PTPN3: variants seen among roughly 807,000 people sequenced by gnomAD.
PTPN3 encodes the protein tyrosine-protein phosphatase non-receptor type 3.
PTPN3 carries 96 observed loss-of-function variants against 132.7 expected under a neutral mutation model. That is an observed-to-expected ratio of 0.72 (90% CI 0.61 to 0.86). PTPN3 has a LOEUF of 0.86. Among genes scored for constraint, PTPN3 ranks in the 40% least tolerant of loss-of-function variants. The probability of loss-of-function intolerance (pLI) is 0.00; values close to 1 mark genes in which losing one functional copy is unlikely to be tolerated. For synonymous variants in PTPN3, 398 were observed against 429.0 expected (o/e 0.93, Z 0.89); for missense variants, 1,125 against 1,159.6 (o/e 0.97, Z 0.43).
chr9:109,397,746 C>A (rs1349104780), intron 19 of PTPN3: 3 of 152,168 alleles, frequency 2.0e-5, no homozygotes, highest in Admixed American at 6.5e-5. Flanking sequence ...GCAAACCTAA[C>A]AAGTATTCTT....
chr9:109,438,314 T>C, intron 7 of PTPN3, 80 bp from the exon 8 acceptor site: 1 of 1,427,938 alleles, frequency 7.0e-7, no homozygotes, highest in Non-Finnish European at 9.6e-7. Flanking sequence ...ATCTACAGCA[T>C]CATCAGAATA....
chr9:109,450,870 CAAACAAACAA>C, intron 5 of PTPN3: 1 of 985,302 alleles, frequency 1.0e-6, no homozygotes, highest in African/African-American at 1.7e-5. Flanking sequence ...AGATCCTTAA[CAAACAAACAA>C]AAACTAACAG....
chr9:109,398,691 G>C (rs1840797220), intron 19 of PTPN3, among the ~76,000 whole-genome samples: 1 of 152,202 alleles, frequency 6.6e-6, no homozygotes. Context: ...TAGGGAAGCT[G>C]TGAGTCACCT....
intron 1 of PTPN3, among the ~76,000 whole-genome samples, chr9:109,477,551 T>C (rs1239076761): frequency 1.3e-5 from 2 of 152,300 alleles, no homozygotes; most frequent in East Asian, 3.9e-4. Context: ...ATTGAGGAAA[T>C]GTAGTAAATG....
chr9:109,384,334 G>A (rs1234612476), intron 22 of PTPN3, among the ~76,000 whole-genome samples: 1 of 152,208 alleles, frequency 6.6e-6, no homozygotes, highest in Non-Finnish European at 1.5e-5. Flanking sequence ...TGAAGCCCTT[G>A]AAGGCTTTCT....
chr9:109,457,137 C>T, intron 4 of PTPN3, 36 bp downstream of exon 4: 1 of 1,601,900 alleles, frequency 6.2e-7, no homozygotes, highest in South Asian at 1.1e-5. Flanking sequence ...TACACTAACA[C>T]CTAATGTTCG....
In PTPN3 at chr9:109,457,181, T is replaced by A; in HGVS notation, c.281A>T (p.Gln94Leu). The A allele has an allele frequency of 6.2e-7, 1 of 1,613,984 alleles. No individual in the cohort carries two copies. The highest frequency in any genetic ancestry group is 8.5e-7 in the Non-Finnish European group (1 of 1,179,828). Residue 94 changes from glutamine (Q) to leucine (L), a missense_variant, in exon 4 of 26, where the codon CAG becomes CTG. Gln to Leu is a moderately radical substitution (Grantham distance 113). Transcript: ENST00000374541. ...WLEASKAIRK[Q>L]LKGGFPCTLH... The stretch of plus-strand genomic sequence containing the variant: ...GAAAAGATCACACCAACCTTTTAAC[T>A]GCTTCCTGATGGCTTTGCTTGCTTC...
chr9:109,470,263 T>C (rs1323266343), intron 1 of PTPN3, among the ~76,000 whole-genome samples: 2 of 152,206 alleles, frequency 1.3e-5, no homozygotes, highest in Non-Finnish European at 2.9e-5. Flanking sequence ...CTCTCGTCAC[T>C]GTAGACACAC....
chr9:109,451,519 C>T (rs183556778), intron 5 of PTPN3: 33 of 567,840 alleles, frequency 5.8e-5, no homozygotes, highest in African/African-American at 5.7e-4. Context: ...CACAATTCTA[C>T]GACCCTGCAC....
chr9:109,397,225 G>A (rs1029380168), intron 19 of PTPN3, among the ~76,000 whole-genome samples: 1 of 152,118 alleles, frequency 6.6e-6, no homozygotes, highest in South Asian at 2.1e-4. Context: ...CAGCCACTAC[G>A]GCATTATCTT....
chr9:109,445,723 G>C (rs1405836655), intron 6 of PTPN3, among the ~76,000 whole-genome samples: 10 of 152,152 alleles, frequency 6.6e-5, no homozygotes, highest in Non-Finnish European at 8.8e-5. Flanking sequence ...ATGACCCTTT[G>C]GTTCTAGATT....
In PTPN3 at chr9:109,420,590, G is replaced by A. The variant is rs558168795; in HGVS notation, c.1147C>T (p.Arg383Trp). The change falls in exon 14 of 26, where the codon CGG (arginine) becomes TGG (tryptophan). Residue 383 changes from arginine to tryptophan, a missense_variant. Coordinates refer to ENST00000374541, the MANE Select transcript of PTPN3 (RefSeq NM_002829.4). ...PPITPNWRSP[R>W]LRHEIRKPRH... ...GGCTTTCGGATTTCGTGCCGGAGCC[G>A]AGGACTTCGCCTGGGTGGGAAAAAC... The A allele has an allele frequency of 1.0e-5, 16 of 1,607,922 alleles. No individual in the cohort carries two copies. Among genetic ancestry groups the A allele is most frequent in the Middle Eastern group, 2.1e-4 (1 of 4,696 alleles).
chr9:109,448,902 CAAAAA>C (rs35966698), intron 5 of PTPN3, 47 bp from the exon 6 acceptor site: 71 of 1,289,970 alleles, frequency 5.5e-5, no homozygotes, highest in Middle Eastern at 2.9e-4. Flanking sequence ...CTGAAATAAG[CAAAAA>C]AAAAAAAAAA....
the PTPN3 span, among the ~76,000 whole-genome samples, chr9:109,512,682 T>A: frequency 6.6e-5 from 10 of 152,174 alleles, no homozygotes; most frequent in African/African-American, 1.9e-4. Context: ...GAGATTAAAA[T>A]TGTTTATCTA....
intron 14 of PTPN3, among the ~76,000 whole-genome samples, chr9:109,419,689 G>A (rs1294346687): frequency 6.6e-6 from 1 of 152,164 alleles, no homozygotes; most frequent in Non-Finnish European, 1.5e-5. Flanking sequence ...TCTGGGCTGA[G>A]GGAAGTGAAT....
intron 19 of PTPN3, among the ~76,000 whole-genome samples, chr9:109,395,820 C>A (rs145466733): frequency 0.015 from 2,254 of 146,472 alleles, 30 homozygotes; most frequent in African/African-American, 0.041. Context: ...CTCTCTCTCT[C>A]TATATATATG....
At chr9:109,506,382 G>A in the PTPN3 span, among the ~76,000 whole-genome samples, 1 of 152,224 alleles carries the variant, frequency 6.6e-6, no homozygotes, top group African/African-American at 2.4e-5. Flanking sequence ...AACTGTATGA[G>A]TGGGGCAGAG....
chr9:109,464,465 C>A (rs74488010), intron 1 of PTPN3, among the ~76,000 whole-genome samples: 1 of 152,132 alleles, frequency 6.6e-6, no homozygotes, highest in Non-Finnish European at 1.5e-5. Flanking sequence ...ATGCTTATGA[C>A]GCATTTGACA....
At chr9:109,531,905 T>C in the PTPN3 span, among the ~76,000 whole-genome samples, 1 of 152,176 alleles carries the variant, frequency 6.6e-6, no homozygotes, top group Non-Finnish European at 1.5e-5. Context: ...ATCACTGTAA[T>C]GGGACACAGG....
Sources: allele counts gnomAD v4.1 joint callset (sites outside exome capture counted in the v4.1 genomes callset), GRCh38; gene constraint gnomAD v4.1.1; transcripts MANE v1.5; gene names NCBI Gene and HGNC (gene_info 2026-07-23, HGNC 2026-07-21).